Variants in EYS observed in about 807,000 individuals in gnomAD.
EYS encodes protein eyes shut homolog.
EYS carries 250 observed loss-of-function variants against 282.1 expected under a neutral mutation model. The ratio of observed to expected loss-of-function variants is 0.89; its 90% CI spans 0.80 to 0.98. The LOEUF (loss-of-function observed/expected upper bound fraction) is 0.98. EYS is among the 50% of genes least tolerant of loss of function. EYS has a pLI of 0.00. For missense variants in EYS, 4,016 were observed against 3,709.0 expected (o/e 1.08, Z -2.15); for synonymous variants, 1,355 against 1,282.9 (o/e 1.06, Z -1.20).
intron 26 of EYS, among the ~76,000 whole-genome samples, chr6:64,518,361 G>T (rs1490370405): frequency 6.6e-6 from 1 of 151,518 alleles, no homozygotes; most frequent in Non-Finnish European, 1.5e-5. Flanking sequence ...ATCTAGCCCG[G>T]GCTGGATCTT....
At chr6:64,338,163 C>A (rs1034716444) in intron 29 of EYS, among the ~76,000 whole-genome samples, 3 of 151,770 alleles carry the variant, frequency 2.0e-5, no homozygotes, top group Non-Finnish European at 4.4e-5. Flanking sequence ...TAAAGGGCAT[C>A]CAAATAGGTA....
At chr6:64,262,170 G>A (rs1045128075) in intron 30 of EYS, among the ~76,000 whole-genome samples, 1 of 151,896 alleles carries the variant, frequency 6.6e-6, no homozygotes, top group Non-Finnish European at 1.5e-5. Context: ...TTTCAGAAGT[G>A]ATTTTGTCAT....
At chr6:64,951,338 A>C (rs1769501752) in intron 14 of EYS, among the ~76,000 whole-genome samples, 1 of 151,990 alleles carries the variant, frequency 6.6e-6, no homozygotes, top group Admixed American at 6.6e-5. Flanking sequence ...AAACAGCTTT[A>C]ACGGCATGAA....
chr6:65,075,103 T>C (rs1774007793), intron 12 of EYS, among the ~76,000 whole-genome samples: 1 of 152,046 alleles, frequency 6.6e-6, no homozygotes, highest in African/African-American at 2.4e-5. Flanking sequence ...TTATCTTCAG[T>C]ATATTTGTAG....
At position 65,310,591 on chromosome 6, in the gene EYS, G is replaced by A. The variant is rs568556772; in HGVS notation, c.1767-14472C>T. On this transcript the variant is annotated intron_variant, in intron 11 of 42. Coordinates refer to ENST00000503581, the MANE Select transcript of EYS (RefSeq NM_001142800.2). ...CTTCAAGGCTCCATGTGACCTTGTC[G>A]TGTCTACCTCTTCTGCCTCATCTGA... Among the ~76,000 whole-genome samples, 7 of 152,152 alleles carry A rather than the reference G, an allele frequency of 4.6e-5. No individual in the cohort carries two copies. The East Asian group carries it at 9.7e-4, about 21-fold the overall frequency.
intron 2 of EYS, among the ~76,000 whole-genome samples, chr6:65,637,010 C>T (rs774016550): frequency 6.6e-5 from 10 of 152,104 alleles, no homozygotes; most frequent in Non-Finnish European, 1.0e-4. Flanking sequence ...GTAGCGATGG[C>T]ATCCCCCTAT....
chr6:65,199,411 G>T (rs181627456), intron 12 of EYS, among the ~76,000 whole-genome samples: 4 of 152,050 alleles, frequency 2.6e-5, no homozygotes, highest in African/African-American at 7.2e-5. Flanking sequence ...CAATTGTTAT[G>T]ACATATTTTT....
At chr6:64,248,097 C>A (rs1206329001) in intron 30 of EYS, among the ~76,000 whole-genome samples, 2 of 151,938 alleles carry the variant, frequency 1.3e-5, no homozygotes, top group Non-Finnish European at 2.9e-5. Flanking sequence ...TACTCAGAAA[C>A]CTGCCAGATT....
chr6:64,813,708 T>C (rs2150016389), intron 21 of EYS, 131 bp from the exon 22 acceptor site: 1 of 532,186 alleles, frequency 1.9e-6, no homozygotes, highest in East Asian at 3.4e-5. Flanking sequence ...CTTCCTCTGT[T>C]AATTGAAATA....
intron 2 of EYS, among the ~76,000 whole-genome samples, chr6:65,534,858 G>A (rs1767908284): frequency 6.6e-6 from 1 of 151,942 alleles, no homozygotes; most frequent in African/African-American, 2.4e-5. Context: ...TCATTTGGGT[G>A]GTTTATGTTT....
At chr6:63,967,204 G>A (rs1766350435) in intron 35 of EYS, among the ~76,000 whole-genome samples, 1 of 152,148 alleles carries the variant, frequency 6.6e-6, no homozygotes, top group Non-Finnish European at 1.5e-5. Context: ...TACACTAAGG[G>A]ATAATTCATG....
chr6:64,673,270 G>A (rs963420649), intron 22 of EYS, among the ~76,000 whole-genome samples: 7 of 152,152 alleles, frequency 4.6e-5, no homozygotes, highest in Admixed American at 3.9e-4. Context: ...AGAAGCGACT[G>A]TAACAATTAT....
intron 26 of EYS, among the ~76,000 whole-genome samples, chr6:64,453,350 G>A (rs1214057505): frequency 1.3e-5 from 2 of 152,098 alleles, no homozygotes; most frequent in Non-Finnish European, 2.9e-5. Flanking sequence ...TAAAAAGTCA[G>A]GAAAGAACAG....
At chr6:65,469,555 T>G (rs1765130465) in intron 5 of EYS, among the ~76,000 whole-genome samples, 1 of 152,122 alleles carries the variant, frequency 6.6e-6, no homozygotes, top group Non-Finnish European at 1.5e-5. Flanking sequence ...CACCTTCAAA[T>G]CTATGAGTCA....
intron 5 of EYS, among the ~76,000 whole-genome samples, chr6:65,483,277 T>G (rs1430967731): frequency 6.6e-6 from 1 of 152,056 alleles, no homozygotes; most frequent in Non-Finnish European, 1.5e-5. Context: ...GCTCTTAAGT[T>G]TTGAAATATG....
chr6:64,724,174 T>C (rs954485597), intron 22 of EYS, among the ~76,000 whole-genome samples: 2 of 152,172 alleles, frequency 1.3e-5, no homozygotes, highest in Admixed American at 1.3e-4. Flanking sequence ...TAAGCGATTG[T>C]AGGTAAAGTC....
intron 26 of EYS, among the ~76,000 whole-genome samples, chr6:64,454,535 G>A (rs1420867988): frequency 6.6e-6 from 1 of 151,986 alleles, no homozygotes; most frequent in Non-Finnish European, 1.5e-5. Flanking sequence ...CCACTTAAAT[G>A]CTATTTTTTT....
chr6:64,000,878 T>C (rs540379050), intron 33 of EYS, among the ~76,000 whole-genome samples: 30 of 152,298 alleles, frequency 2.0e-4, no homozygotes, highest in Admixed American at 1.7e-3. Flanking sequence ...CCAGGCGCGG[T>C]GGCTCAGGCC....
chr6:64,075,723 A>G (rs901994398), intron 32 of EYS, among the ~76,000 whole-genome samples: 3 of 151,928 alleles, frequency 2.0e-5, no homozygotes, highest in African/African-American at 7.2e-5. Flanking sequence ...AGAGGAAAGG[A>G]GTTAAAGCAT....
Sources: allele counts gnomAD v4.1 joint callset (sites outside exome capture counted in the v4.1 genomes callset), GRCh38; gene constraint gnomAD v4.1.1; transcripts MANE v1.5; gene names NCBI Gene and HGNC (gene_info 2026-07-23, HGNC 2026-07-21).